Variants in SLC35F3 observed in about 807,000 individuals in gnomAD.
SLC35F3 encodes the protein putative thiamine transporter SLC35F3.
In SLC35F3, 25 loss-of-function variants were observed where a neutral mutation model predicts 49.9. That is an observed-to-expected ratio of 0.50 (90% CI 0.37 to 0.70). SLC35F3 has a LOEUF of 0.70. SLC35F3 is among the 30% of genes least tolerant of loss of function. SLC35F3 has a pLI of 0.00. For synonymous variants in SLC35F3, 275 were observed against 265.4 expected (o/e 1.04, Z -0.35); for missense variants, 525 against 639.8 (o/e 0.82, Z 1.94).
chr1:234,181,354 AAG>A (rs1213218508), intron 2 of SLC35F3, among the ~76,000 whole-genome samples: 2 of 150,926 alleles, frequency 1.3e-5, no homozygotes, highest in African/African-American at 2.4e-5. Flanking sequence ...AAAAAAAAAA[AAG>A]AAAGAAAGAA....
At chr1:234,200,299 C>A (rs1214306822) in intron 2 of SLC35F3, among the ~76,000 whole-genome samples, 11 of 152,138 alleles carry the variant, frequency 7.2e-5, no homozygotes, top group Admixed American at 7.2e-4. Context: ...TCTTCAGATT[C>A]TTTGCCCATT....
chr1:234,282,720 C>T (rs1668349307), intron 3 of SLC35F3, among the ~76,000 whole-genome samples: 1 of 152,194 alleles, frequency 6.6e-6, no homozygotes, highest in South Asian at 2.1e-4. Flanking sequence ...CTCTAAGGTC[C>T]CCCATTTAGC....
chr1:234,064,611 G>T (rs1572037922), intron 2 of SLC35F3, among the ~76,000 whole-genome samples: 2 of 152,284 alleles, frequency 1.3e-5, no homozygotes, highest in East Asian at 3.9e-4. Flanking sequence ...CTTTATAGTT[G>T]TTGTGCTGTG....
chr1:234,128,491 A>G (rs1459913673), intron 2 of SLC35F3, among the ~76,000 whole-genome samples: 6 of 152,088 alleles, frequency 3.9e-5, no homozygotes, highest in Non-Finnish European at 7.4e-5. Flanking sequence ...TGGGTGAGGG[A>G]TGAGAATGAG....
intron 2 of SLC35F3, among the ~76,000 whole-genome samples, chr1:233,973,298 G>A (rs927830785): frequency 6.6e-6 from 1 of 152,226 alleles, no homozygotes; most frequent in African/African-American, 2.4e-5. Flanking sequence ...GCCATGGAAA[G>A]CTGAGCAGTT....
chr1:234,064,048 A>G (rs1572037685), intron 2 of SLC35F3, among the ~76,000 whole-genome samples: 2 of 152,312 alleles, frequency 1.3e-5, no homozygotes, highest in East Asian at 3.9e-4. Context: ...ACTGGGAAGC[A>G]TGTCTGTGGA....
intron 2 of SLC35F3, among the ~76,000 whole-genome samples, chr1:234,073,316 A>G (rs1362003266): frequency 6.6e-6 from 1 of 151,986 alleles, no homozygotes; most frequent in Admixed American, 6.6e-5. Flanking sequence ...GCTAATTTAA[A>G]AAAAAATTTT....
Position 234,309,271 on chromosome 1 carries a change from T to C in SLC35F3, c.779T>C (p.Val260Ala). The change falls in exon 4 of 8, where the codon GTG (valine) becomes GCG (alanine). Residue 260 changes from valine to alanine, a missense_variant. Val to Ala is a moderately conservative substitution (Grantham distance 64, BLOSUM62 0). Coordinates refer to ENST00000366618, the MANE Select transcript of SLC35F3 (RefSeq NM_173508.4). ...SVLFCCNKAF[V>A]FLLSWIVLRD... ...TTGTTCTGCTGCAACAAAGCTTTTG[T>C]GTTCTTGCTCTCATGGATCGTTCTC... The C allele has an allele frequency of 7.4e-6, 12 of 1,614,242 alleles. No individual in the cohort carries two copies. The highest frequency in any genetic ancestry group is 1.0e-5 in the Non-Finnish European group (12 of 1,180,046).
rs148533686 is a variant in SLC35F3 at position 234,302,619 on chromosome 1, C to T, written c.609-6482C>T. Among the ~76,000 whole-genome samples the T allele has an allele frequency of 1.9e-4, 29 of 152,134 alleles. 2 individuals carry two copies. The highest frequency in any genetic ancestry group is 1.2e-3 in the Admixed American group (18 of 15,282). ...TGTTTAAATGGTGATGAAATGGGTA[C>T]GGGAAAAAGAGGAACATAAGAGTGT... On this transcript the variant is annotated intron_variant, in intron 3 of 7. Coordinates refer to ENST00000366618, the MANE Select transcript of SLC35F3 (RefSeq NM_173508.4).
chr1:234,127,295 C>T (rs1173914977), intron 2 of SLC35F3, among the ~76,000 whole-genome samples: 1 of 152,202 alleles, frequency 6.6e-6, no homozygotes, highest in Non-Finnish European at 1.5e-5. Flanking sequence ...TTGCATAACT[C>T]TTCAGGGCTT....
At chr1:234,131,275 G>A (rs1337424658) in intron 2 of SLC35F3, among the ~76,000 whole-genome samples, 5 of 152,126 alleles carry the variant, frequency 3.3e-5, no homozygotes, top group Admixed American at 6.6e-5. Context: ...GATCTCCTTA[G>A]GAAAATATGG....
chr1:234,080,268 TG>T (rs1664855569), intron 2 of SLC35F3, among the ~76,000 whole-genome samples: 3 of 152,194 alleles, frequency 2.0e-5, no homozygotes, highest in Admixed American at 2.0e-4. Context: ...TTGCTGTGCC[TG>T]GGAGGGCATG....
At chr1:234,157,358 G>A (rs1666169945) in intron 2 of SLC35F3, among the ~76,000 whole-genome samples, 1 of 152,074 alleles carries the variant, frequency 6.6e-6, no homozygotes, top group Non-Finnish European at 1.5e-5. Context: ...GCCAGATCAC[G>A]CTGCTGCGCT....
intron 2 of SLC35F3, among the ~76,000 whole-genome samples, chr1:233,913,986 A>C (rs1032020918): frequency 6.6e-6 from 1 of 152,114 alleles, no homozygotes; most frequent in Non-Finnish European, 1.5e-5. Context: ...TTAGGGGAGG[A>C]GGAAATTAGG....
chr1:234,140,962 G>T (rs1208798876), intron 2 of SLC35F3, among the ~76,000 whole-genome samples: 2 of 152,126 alleles, frequency 1.3e-5, no homozygotes, highest in African/African-American at 4.8e-5. Flanking sequence ...AAAGAGAGAA[G>T]AATGACAAGG....
chr1:234,065,617 C>T (rs940774325), intron 2 of SLC35F3, among the ~76,000 whole-genome samples: 25 of 152,064 alleles, frequency 1.6e-4, no homozygotes, highest in African/African-American at 5.3e-4. Context: ...CTGCCACGAG[C>T]GCTATGAGAA....
rs1241790784 is a variant in SLC35F3 at position 234,081,078 on chromosome 1, TA to T, written c.284-150338del. Among the ~76,000 whole-genome samples, 10 of 152,328 alleles carry T rather than the reference TA, an allele frequency of 6.6e-5. No homozygotes were observed. In the East Asian group the frequency reaches 1.9e-3, roughly 29 times the overall value. ...CCTTTGCTTCTCATTCCTACTGCCA[TA>T]TATTCAATAATAGCCTCCCACCTGG... is the stretch of plus-strand genomic sequence containing the variant. On this transcript the variant is annotated intron_variant, in intron 2 of 7. Transcript: ENST00000366618.
rs1664625010 is a variant in SLC35F3, at chr1:234,066,796, C to G, written c.283+161038C>G. On this transcript the variant is annotated intron_variant, in intron 2 of 7. Coordinates refer to ENST00000366618, the MANE Select transcript of SLC35F3 (RefSeq NM_173508.4). ...TTCCCTCTCTCTCTCTCTTTCTCTC[C>G]CTTTGTCTCTCTCTGTCTCTGTCCC... Among the ~76,000 whole-genome samples, 2 of 143,714 alleles carry G rather than the reference C, an allele frequency of 1.4e-5. 1 individual carries two copies. The highest frequency in any genetic ancestry group is 1.4e-4 in the Admixed American group (2 of 14,112). 94.3% of individuals were successfully genotyped at this position (143,714 alleles called of 152,430 possible).
At chr1:234,298,195 T>C (rs1335561801) in intron 3 of SLC35F3, among the ~76,000 whole-genome samples, 2 of 152,048 alleles carry the variant, frequency 1.3e-5, no homozygotes, top group Admixed American at 1.3e-4. Context: ...GTGTGAGTGA[T>C]AAAGAAAAAG....
Sources: gnomAD v4.1 joint callset for allele counts (sites outside exome capture counted in the v4.1 genomes callset) on GRCh38, gnomAD v4.1.1 for gene constraint, MANE v1.5 for transcripts, NCBI Gene and HGNC (gene_info 2026-07-23, HGNC 2026-07-21) for gene names.